The following TET2 variants were observed in gnomAD, a reference collection of about 807,000 sequenced individuals.
The protein encoded by TET2 is tet methylcytosine dioxygenase 2.
In TET2, 299 loss-of-function variants were observed where a neutral mutation model predicts 142.9. The observed-to-expected ratio is 2.09, with a 90% confidence interval of 1.90 to 2.30. The LOEUF is 2.30. Ranked by LOEUF, TET2 falls within the 30% of genes most tolerant of loss-of-function variation. The pLI, the probability that TET2 is intolerant of heterozygous loss-of-function variation, is 0.00. For synonymous variants in TET2, 819 were observed against 849.0 expected (o/e 0.96, Z 0.61); for missense variants, 2,418 against 2,378.0 (o/e 1.02, Z -0.35).
intron 1 of TET2, among the ~76,000 whole-genome samples, chr4:105,163,832 AGAGAGAGAGAGAGAGAGAGAGAGTGT>A (rs1305998225): frequency 8.1e-5 from 12 of 148,632 alleles, no homozygotes; most frequent in African/African-American, 1.5e-4. Context: ...AGAGAGAGAG[AGAGAGAGAGAGAGAGAGAGAGAGTGT>A]GTGTGTGTGT....
At chr4:105,212,017 A>C (rs1727193470) in intron 2 of TET2, among the ~76,000 whole-genome samples, 1 of 152,238 alleles carries the variant, frequency 6.6e-6, no homozygotes, top group African/African-American at 2.4e-5. Flanking sequence ...ATGCCAATGT[A>C]GGAATGAGGC....
intron 3 of TET2, 165 bp from the exon 4 acceptor site, chr4:105,241,174 T>C: frequency 7.8e-7 from 1 of 1,281,160 alleles, no homozygotes. Flanking sequence ...ATGTGGCACA[T>C]TTTCTAATAG....
intron 1 of TET2, among the ~76,000 whole-genome samples, chr4:105,163,485 C>T (rs145559971): frequency 1.3e-5 from 2 of 152,198 alleles, no homozygotes; most frequent in African/African-American, 2.4e-5. Context: ...CCTCAAATAG[C>T]GTAACAAGCT....
intron 2 of TET2, among the ~76,000 whole-genome samples, chr4:105,193,183 T>C (rs1424244655): frequency 6.6e-6 from 1 of 151,898 alleles, no homozygotes; most frequent in Non-Finnish European, 1.5e-5. Context: ...ACAGGAAGAA[T>C]TGGGATCGAT....
Position 105,277,367 on chromosome 4 carries a change from A to G in TET2, c.*848A>G, listed in dbSNP as rs1731273165. The G allele has an allele frequency of 4.5e-6, 1 of 224,596 alleles. No individual in the cohort carries two copies. Among genetic ancestry groups the G allele is most frequent in the African/African-American group, 2.2e-5 (1 of 44,900 alleles). 13.9% of individuals were successfully genotyped at this position (224,596 alleles called of 1,614,324 possible). ...TATGTACATATATACACAAACATGT[A>G]TATGTGCACACACATGTATATGTAT... On this transcript the variant is annotated 3_prime_UTR_variant, in exon 11 of 11. Coordinates refer to ENST00000380013, the MANE Select transcript of TET2 (RefSeq NM_001127208.3).
chr4:105,273,361 A>T (rs1301727009), intron 10 of TET2, among the ~76,000 whole-genome samples: 1 of 152,240 alleles, frequency 6.6e-6, no homozygotes, highest in Non-Finnish European at 1.5e-5. Context: ...TTATTCTATA[A>T]TAAACAGCAA....
intron 1 of TET2, among the ~76,000 whole-genome samples, chr4:105,156,713 TTCC>T (rs1296508762): frequency 6.6e-6 from 1 of 152,212 alleles, no homozygotes; most frequent in Non-Finnish European, 1.5e-5. Flanking sequence ...ATATGAGTTA[TTCC>T]TCCCGTTTTT....
Position 105,236,282 on chromosome 4 carries a change from A to G in TET2, c.2340A>G (p.Lys780=). Residue 780 remains lysine (K), a synonymous_variant, in exon 3 of 11, where the codon AAA becomes AAG. Coordinates refer to ENST00000380013, the MANE Select transcript of TET2 (RefSeq NM_001127208.3). ...AAGGATCATTCTTTGGCCAGACTAA[A>G]GTGGAAGAATGTTTTCATGGTGAAA... ...QREGSFFGQT[K]VEECFHGENQ... 1 of 1,614,128 alleles carries G rather than the reference A, an allele frequency of 6.2e-7. No individual in the cohort carries two copies. Among genetic ancestry groups the G allele is most frequent in the Non-Finnish European group, 8.5e-7 (1 of 1,180,020 alleles).
intron 10 of TET2, among the ~76,000 whole-genome samples, 170 bp from the exon 11 acceptor site, chr4:105,274,877 AT>A (rs1170933727): frequency 7.2e-5 from 11 of 152,172 alleles, no homozygotes; most frequent in Admixed American, 4.6e-4. Flanking sequence ...TAGACAAAAA[AT>A]TGTGCTGGAC....
intron 2 of TET2, among the ~76,000 whole-genome samples, chr4:105,227,820 T>A (rs1452850073): frequency 2.6e-5 from 4 of 152,176 alleles, no homozygotes; most frequent in Non-Finnish European, 4.4e-5. Flanking sequence ...ATAAAAAAAA[T>A]TCATTAACTC....
At chr4:105,194,764 AAATAT>A (rs1560741859) in intron 2 of TET2, among the ~76,000 whole-genome samples, 1 of 152,164 alleles carries the variant, frequency 6.6e-6, no homozygotes, top group African/African-American at 2.4e-5. Flanking sequence ...TATTCTAATA[AAATAT>A]AATTACCTAG....
chr4:105,262,232 A>C (rs1730470844), intron 8 of TET2, among the ~76,000 whole-genome samples: 1 of 152,226 alleles, frequency 6.6e-6, no homozygotes, highest in Non-Finnish European at 1.5e-5. Context: ...ATAAGAATTT[A>C]TAGACTTACA....
At chr4:105,165,629 C>T (rs777407957) in intron 1 of TET2, among the ~76,000 whole-genome samples, 11 of 152,170 alleles carry the variant, frequency 7.2e-5, no homozygotes, top group South Asian at 2.1e-4. Context: ...ACAATTATCA[C>T]GCAAGCAAAT....
chr4:105,183,421 A>T (rs1725238221), intron 1 of TET2, among the ~76,000 whole-genome samples: 1 of 152,058 alleles, frequency 6.6e-6, no homozygotes, highest in South Asian at 2.1e-4. Flanking sequence ...TTTTATACCT[A>T]TTCATTTCAA....
intron 1 of TET2, 102 bp from the exon 2 acceptor site, chr4:105,190,258 T>A (rs553165350): frequency 2.0e-6 from 1 of 496,358 alleles, no homozygotes; most frequent in East Asian, 3.1e-5. Flanking sequence ...AATGGAAATA[T>A]CCAATTATAG....
chr4:105,161,910 T>G (rs1723878999), intron 1 of TET2, among the ~76,000 whole-genome samples: 1 of 152,234 alleles, frequency 6.6e-6, no homozygotes, highest in African/African-American at 2.4e-5. Context: ...CTTTTTTCAG[T>G]TACTACTAAG....
At chr4:105,180,798 C>G (rs1389195353) in intron 1 of TET2, among the ~76,000 whole-genome samples, 1 of 152,138 alleles carries the variant, frequency 6.6e-6, no homozygotes, top group Non-Finnish European at 1.5e-5. Flanking sequence ...TGCCACCACA[C>G]CTGGCTAATT....
chr4:105,193,226 G>C (rs1016130765), intron 2 of TET2, among the ~76,000 whole-genome samples: 1 of 152,104 alleles, frequency 6.6e-6, no homozygotes, highest in Admixed American at 6.6e-5. Context: ...GAGAGAAGTG[G>C]AGGGGAAACA....
intron 6 of TET2, among the ~76,000 whole-genome samples, chr4:105,244,421 T>C (rs1729472494): frequency 1.3e-5 from 2 of 152,246 alleles, no homozygotes; most frequent in Admixed American, 6.5e-5. Flanking sequence ...CTTAAATATA[T>C]TTAGTGCATC....
Sources: gnomAD v4.1 joint callset for allele counts (sites outside exome capture counted in the v4.1 genomes callset) on GRCh38, gnomAD v4.1.1 for gene constraint, MANE v1.5 for transcripts, NCBI Gene and HGNC (gene_info 2026-07-23, HGNC 2026-07-21) for gene names.